The following CNNM1 variants were observed in gnomAD, a reference collection of about 807,000 sequenced individuals.
CNNM1 encodes metal transporter CNNM1.
In CNNM1, 44 loss-of-function variants were observed where a neutral mutation model predicts 78.8. The ratio of observed to expected loss-of-function variants is 0.56; its 90% CI spans 0.44 to 0.72. The LOEUF is 0.72. Ranked by LOEUF, CNNM1 falls within the 30% of genes least tolerant of loss-of-function variation. The probability of loss-of-function intolerance (pLI) is 0.00; values close to 1 mark genes in which losing one functional copy is unlikely to be tolerated. For synonymous variants in CNNM1, 584 were observed against 581.5 expected (o/e 1.00, Z -0.06); for missense variants, 1,101 against 1,292.2 (o/e 0.85, Z 2.27).
At chr10:99,361,308 C>T (rs1488864473) in intron 3 of CNNM1, among the ~76,000 whole-genome samples, 2 of 152,138 alleles carry the variant, frequency 1.3e-5, no homozygotes, top group Non-Finnish European at 2.9e-5. Context: ...ACTTGCAGTG[C>T]CCTAGAGCAG....
intron 1 of CNNM1, among the ~76,000 whole-genome samples, chr10:99,341,050 A>G (rs560467057): frequency 1.3e-4 from 20 of 152,266 alleles, no homozygotes; most frequent in African/African-American, 4.8e-4. Flanking sequence ...AAATTGTCCT[A>G]AGTGAGTTGA....
Position 99,388,221 on chromosome 10 carries a change from C to T in CNNM1, c.2594C>T (p.Thr865Ile). 6.2e-7 allele frequency: 1 copy of T among 1,614,010 alleles called. No individual in the cohort carries two copies. Among genetic ancestry groups the T allele is most frequent in the Non-Finnish European group, 8.5e-7 (1 of 1,179,904 alleles). ...VYLRMEELAFTQEEMTDFEEH... is the reference protein window; with the variant it reads ...VYLRMEELAFIQEEMTDFEEH... ...CTGAGGATGGAGGAGCTGGCCTTCACCCAGGAAGAAATGACTGACTTCGAG... is the reference window on the plus strand; with the variant it reads ...CTGAGGATGGAGGAGCTGGCCTTCATCCAGGAAGAAATGACTGACTTCGAG... Residue 865 changes from threonine to isoleucine, a missense_variant, in exon 9 of 11, where the codon ACC becomes ATC. Physicochemically the swap from Thr to Ile is moderately conservative, Grantham distance 89. Around this residue, in one of 3 missense-constraint regions of CNNM1, gnomAD observed 348 missense variants for 384.5 expected, o/e 0.90. Transcript: ENST00000356713.
At chr10:99,338,958 C>T (rs2030321095) in intron 1 of CNNM1, among the ~76,000 whole-genome samples, 2 of 152,184 alleles carry the variant, frequency 1.3e-5, no homozygotes, top group Admixed American at 6.5e-5. Flanking sequence ...TATCATACTT[C>T]TTAAATTTAC....
At chr10:99,341,542 A>G (rs1464252883) in intron 1 of CNNM1, among the ~76,000 whole-genome samples, 1 of 152,174 alleles carries the variant, frequency 6.6e-6, no homozygotes, top group Non-Finnish European at 1.5e-5. Flanking sequence ...GAAGGGAGAA[A>G]TAGTCCCTGG....
In CNNM1 at chr10:99,330,375, G is replaced by A. The variant is rs1012313922; in HGVS notation, c.988G>A (p.Val330Met). The change falls in exon 1 of 11, where the codon GTG becomes ATG. Residue 330 changes from valine to methionine, a missense_variant. This residue lies in a region of CNNM1 where 476 missense variants were observed against 484.5 expected (regional missense o/e 0.98). Transcript: ENST00000356713. ...CCACTTCCCGTGGCTGCCGGCGCTC[G>A]TGTGCACCGGCGCGGTATTCCTGGG... is the stretch of plus-strand genomic sequence containing the variant. ...GIHFPWLPAL[V>M]CTGAVFLGAE... 1.6e-5 allele frequency: 25 copies of A among 1,597,056 alleles called. No individual in the cohort carries two copies. Among genetic ancestry groups the A allele is most frequent in the Non-Finnish European group, 2.0e-5 (24 of 1,173,062 alleles).
In CNNM1 at chr10:99,337,394, TCC is replaced by T. The variant is rs2030237808; in HGVS notation, c.1573+6436_1573+6437del. ...CCCCTCCAGCCTCATCGCTCACCAC[TCC>T]CTGCCACAGCTTTACCCTCCAGCAA... is the stretch of plus-strand genomic sequence containing the variant. On this transcript the variant is annotated intron_variant, in intron 1 of 10. Transcript: ENST00000356713. Among the ~76,000 whole-genome samples, 4 of 152,146 alleles carry T rather than the reference TCC, an allele frequency of 2.6e-5. No homozygotes were observed. In the South Asian group the frequency reaches 8.3e-4, roughly 32 times the overall value.
At chr10:99,354,717 A>G (rs943390030) in intron 1 of CNNM1, among the ~76,000 whole-genome samples, 2 of 152,068 alleles carry the variant, frequency 1.3e-5, no homozygotes, top group Admixed American at 6.6e-5. Context: ...GGTAGGGGAG[A>G]TGGCAGCAGT....
At chr10:99,361,457 C>T (rs748421969) in intron 3 of CNNM1, among the ~76,000 whole-genome samples, 1 of 152,176 alleles carries the variant, frequency 6.6e-6, no homozygotes, top group Non-Finnish European at 1.5e-5. Flanking sequence ...TGTCTTTGAA[C>T]CCTCTGACCA....
At chr10:99,385,419 C>G (rs1479194656) in intron 7 of CNNM1, among the ~76,000 whole-genome samples, 2 of 152,192 alleles carry the variant, frequency 1.3e-5, no homozygotes, top group Non-Finnish European at 2.9e-5. Context: ...AAGACCTAGT[C>G]TTGCTTTCAC....
intron 6 of CNNM1, among the ~76,000 whole-genome samples, chr10:99,372,862 G>T (rs551051131): frequency 2.6e-3 from 392 of 152,222 alleles, no homozygotes; most frequent in Admixed American, 0.015. Flanking sequence ...TTTAAAAATT[G>T]CTTTTATAGA....
chr10:99,371,772 G>A (rs917345709), intron 6 of CNNM1, among the ~76,000 whole-genome samples: 9 of 152,022 alleles, frequency 5.9e-5, no homozygotes, highest in Non-Finnish European at 1.0e-4. Flanking sequence ...TTTGGTGTTC[G>A]GTTGTCTGAT....
At chr10:99,371,575 T>C (rs896777590) in intron 6 of CNNM1, among the ~76,000 whole-genome samples, 3 of 152,178 alleles carry the variant, frequency 2.0e-5, no homozygotes, top group Non-Finnish European at 4.4e-5. Flanking sequence ...TCTGCTTGAA[T>C]ATACAGGGAA....
In CNNM1 at chr10:99,330,031, G is replaced by T. The variant is rs769247037; in HGVS notation, c.644G>T (p.Gly215Val). ...LRVRPRLYGP[G>V]GDLLPPAWLR... is the part of the protein sequence containing the mutation. ...GTTCGCCCGCGGTTGTACGGCCCAG[G>T]CGGGGACCTGCTGCCCCCTGCGTGG... Residue 215 changes from glycine (G) to valine (V), a missense_variant, in exon 1 of 11, where the codon GGC (glycine) becomes GTC (valine). Gly to Val is a moderately radical substitution (Grantham distance 109). Around this residue, in one of 3 missense-constraint regions of CNNM1, gnomAD observed 476 missense variants for 484.5 expected, o/e 0.98. Transcript: ENST00000356713. The T allele has an allele frequency of 1.3e-5, 19 of 1,486,628 alleles. No individual in the cohort carries two copies. The highest frequency in any genetic ancestry group is 1.7e-5 in the Non-Finnish European group (19 of 1,129,748). The allele number at this position is 1,486,628 out of a possible 1,614,324, so 92.1% of individuals were successfully genotyped here.
At chr10:99,356,562 C>CAGAAAGAA (rs71009746) in intron 1 of CNNM1, among the ~76,000 whole-genome samples, 1,307 of 98,454 alleles carry the variant, frequency 0.013, 16 homozygotes, top group Middle Eastern at 0.017. Flanking sequence ...GACAGACAGA[C>CAGAAAGAA]AGAAAGAAAG....
At chr10:99,380,014 A>ACT (rs1359465951) in intron 7 of CNNM1, among the ~76,000 whole-genome samples, 1 of 136,524 alleles carries the variant, frequency 7.3e-6, no homozygotes, top group African/African-American at 2.8e-5. Context: ...AAGGAAGTAA[A>ACT]CTCTCTCTTT....
intron 1 of CNNM1, among the ~76,000 whole-genome samples, chr10:99,331,970 T>A (rs530032349): frequency 4.6e-5 from 7 of 152,354 alleles, no homozygotes; most frequent in Admixed American, 2.0e-4. Context: ...GTTTACTTCA[T>A]GTCTGAGTTT....
intron 6 of CNNM1, among the ~76,000 whole-genome samples, chr10:99,369,379 C>T (rs574821370): frequency 2.6e-5 from 4 of 152,220 alleles, no homozygotes; most frequent in African/African-American, 9.6e-5. Context: ...GTTAAATTGC[C>T]CTGCAGTTAG....
intron 1 of CNNM1, 72 bp downstream of exon 1, chr10:99,331,032 G>A: frequency 6.9e-7 from 1 of 1,439,846 alleles, no homozygotes; most frequent in Non-Finnish European, 9.3e-7. Context: ...AACCACGTGA[G>A]GCTCTAGGTA....
intron 1 of CNNM1, among the ~76,000 whole-genome samples, chr10:99,335,515 C>T (rs577356208): frequency 6.6e-6 from 1 of 152,270 alleles, no homozygotes; most frequent in African/African-American, 2.4e-5. Context: ...TTCTATATTT[C>T]TATGTTTGAG....
Sources: allele counts gnomAD v4.1 joint callset (sites outside exome capture counted in the v4.1 genomes callset), GRCh38; gene constraint gnomAD v4.1.1; regional missense constraint gnomAD v4.1.1; transcripts MANE v1.5; gene names NCBI Gene and HGNC (gene_info 2026-07-23, HGNC 2026-07-21).